The following KIAA1217 variants were observed in gnomAD, a reference collection of about 807,000 sequenced individuals.
The protein encoded by KIAA1217 is KIAA1217, also known as sickle tail protein homolog.
In KIAA1217, 88 loss-of-function variants were observed where a neutral mutation model predicts 163.9. The observed-to-expected ratio is 0.54, with a 90% CI of 0.45 to 0.64. The LOEUF is 0.64. KIAA1217 is among the 30% of genes least tolerant of loss of function. The pLI is 0.00. For missense variants in KIAA1217, 2,372 were observed against 2,475.0 expected (o/e 0.96, Z 0.88); for synonymous variants, 903 against 923.1 (o/e 0.98, Z 0.39).
At position 24,290,369 on chromosome 10, in the gene KIAA1217, T is replaced by C. The variant is rs373442337; in HGVS notation, c.354+70460T>C. Among the ~76,000 whole-genome samples, 19 of 152,274 alleles carry C rather than the reference T, an allele frequency of 1.2e-4. 1 individual carries two copies. The highest frequency in any genetic ancestry group is 9.8e-4 in the Admixed American group (15 of 15,280). On this transcript the variant is annotated intron_variant, in intron 2 of 20. Coordinates refer to ENST00000376454, the MANE Select transcript of KIAA1217 (RefSeq NM_019590.5). ...AAAACATGATTTTAATCACAATTTC[T>C]CTCAGTGGATTTTAGGGTTTTGGAA...
At chr10:23,915,208 A>G (rs1842587766) in intron 1 of KIAA1217, among the ~76,000 whole-genome samples, 1 of 152,180 alleles carries the variant, frequency 6.6e-6, no homozygotes, top group Admixed American at 6.5e-5. Flanking sequence ...TCAATGCTAC[A>G]AAGAGGTCAT....
At chr10:23,972,521 C>A (rs1845357928) in intron 1 of KIAA1217, among the ~76,000 whole-genome samples, 1 of 151,632 alleles carries the variant, frequency 6.6e-6, no homozygotes, top group African/African-American at 2.4e-5. Context: ...AGCAGAAAAC[C>A]AAACACTATG....
At chr10:23,763,631 A>G (rs1445586454) in intron 1 of KIAA1217, among the ~76,000 whole-genome samples, 1 of 152,220 alleles carries the variant, frequency 6.6e-6, no homozygotes, top group Non-Finnish European at 1.5e-5. Flanking sequence ...TGTAAAACCC[A>G]GAACCATAAA....
intron 2 of KIAA1217, among the ~76,000 whole-genome samples, chr10:24,112,002 T>C (rs1276630330): frequency 1.3e-5 from 2 of 152,164 alleles, no homozygotes; most frequent in Non-Finnish European, 2.9e-5. Flanking sequence ...GGTCTCACTA[T>C]GTTGCCCGGG....
chr10:24,238,609 G>GCA (rs138705664), intron 2 of KIAA1217, among the ~76,000 whole-genome samples: 64 of 151,316 alleles, frequency 4.2e-4, no homozygotes, highest in African/African-American at 9.4e-4. Context: ...GAGGGGAAAT[G>GCA]CACACACACA....
At chr10:23,774,032 T>C (rs1051257359) in intron 1 of KIAA1217, among the ~76,000 whole-genome samples, 1 of 152,212 alleles carries the variant, frequency 6.6e-6, no homozygotes, top group Non-Finnish European at 1.5e-5. Flanking sequence ...ATCCCTGTCT[T>C]GTGCCAGTTT....
chr10:23,895,705 C>T (rs1445879798), intron 1 of KIAA1217, among the ~76,000 whole-genome samples: 5 of 152,018 alleles, frequency 3.3e-5, no homozygotes, highest in South Asian at 4.2e-4. Context: ...ATGTTTATTG[C>T]GGCACTGTTC....
intron 1 of KIAA1217, among the ~76,000 whole-genome samples, chr10:23,954,335 TG>T (rs1472406844): frequency 1.3e-5 from 2 of 152,038 alleles, no homozygotes; most frequent in African/African-American, 4.8e-5. Context: ...GAAGCCAAGC[TG>T]GGTGGATCTC....
chr10:24,325,410 G>A (rs1386017250), intron 2 of KIAA1217, among the ~76,000 whole-genome samples: 4 of 151,182 alleles, frequency 2.6e-5, no homozygotes, highest in Non-Finnish European at 4.4e-5. Flanking sequence ...AGAAGGGTGT[G>A]TATGGCCCCT....
At chr10:23,894,213 GATGAC>G (rs1841567851) in intron 1 of KIAA1217, among the ~76,000 whole-genome samples, 1 of 149,918 alleles carries the variant, frequency 6.7e-6, no homozygotes, top group African/African-American at 2.4e-5. Flanking sequence ...CCTGTTTGCA[GATGAC>G]ATGATTGTAT....
rs530250325 is a variant in KIAA1217 at position 24,147,663 on chromosome 10, C to T, written c.-170-71963C>T. 1.1e-4 allele frequency among the ~76,000 whole-genome samples: 16 copies of T among 151,416 alleles called. 1 individual carries two copies. Among genetic ancestry groups the T allele is most frequent in the African/African-American group, 3.4e-4 (14 of 41,336 alleles). ...TTTGAGACCAGCCTGGCCAACATGA[C>T]GAAATCCAGTCTCCATTAAATTAGC... On this transcript the variant is annotated intron_variant, in intron 2 of 18. Transcript: ENST00000376462.
intron 2 of KIAA1217, among the ~76,000 whole-genome samples, chr10:24,337,637 TTTCTTTTCTTTTC>T (rs1326803727): frequency 0.01 from 560 of 55,716 alleles, 23 homozygotes; most frequent in African/African-American, 0.051. Context: ...TTTCTTTTCT[TTTCTTTTCTTTTC>T]TTTTTTTTTT....
At position 23,750,928 on chromosome 10, in the gene KIAA1217, A is replaced by G. The variant is rs565887197; in HGVS notation, c.-321+55694A>G. Among the ~76,000 whole-genome samples, 7 of 152,010 alleles carry G rather than the reference A, an allele frequency of 4.6e-5. 1 individual carries two copies. In the East Asian group the frequency reaches 1.2e-3, roughly 25 times the overall value. ...TTCTACTCATGATGTGCTGACCTTA[A>G]GATAATTCCTTTCCCTTCCCTTCCC... On this transcript the variant is annotated intron_variant, in intron 1 of 18. Transcript: ENST00000376462.
At chr10:24,181,285 A>G (rs2066158799) in intron 2 of KIAA1217, among the ~76,000 whole-genome samples, 1 of 152,188 alleles carries the variant, frequency 6.6e-6, no homozygotes, top group Non-Finnish European at 1.5e-5. Flanking sequence ...TTCCCAGAGG[A>G]TATGGAGTTG....
chr10:23,904,780 C>T (rs748910530), intron 1 of KIAA1217, among the ~76,000 whole-genome samples: 2 of 152,060 alleles, frequency 1.3e-5, no homozygotes, highest in African/African-American at 2.4e-5. Context: ...GCAGCAATGA[C>T]ACCACATCTA....
intron 1 of KIAA1217, among the ~76,000 whole-genome samples, chr10:23,840,943 A>G (rs1325714006): frequency 6.6e-6 from 1 of 152,186 alleles, no homozygotes; most frequent in African/African-American, 2.4e-5. Flanking sequence ...GACTACCCAA[A>G]TTCAAATTTC....
intron 1 of KIAA1217, among the ~76,000 whole-genome samples, chr10:23,939,339 G>A (rs1424652962): frequency 1.3e-5 from 2 of 152,058 alleles, no homozygotes; most frequent in African/African-American, 2.4e-5. Flanking sequence ...ATACGGGGAG[G>A]CATGCATGTG....
chr10:24,059,699 T>C (rs1001726395), intron 2 of KIAA1217, among the ~76,000 whole-genome samples: 1 of 151,992 alleles, frequency 6.6e-6, no homozygotes, highest in African/African-American at 2.4e-5. Context: ...TGCCTCAGCC[T>C]CCCAAGTAAC....
intron 1 of KIAA1217, among the ~76,000 whole-genome samples, chr10:23,724,430 CTATT>C (rs1458013663): frequency 1.3e-5 from 2 of 151,926 alleles, no homozygotes; most frequent in Non-Finnish European, 2.9e-5. Context: ...ATTTTAAATT[CTATT>C]TAATTAACAA....
Sources: allele counts gnomAD v4.1 joint callset (sites outside exome capture counted in the v4.1 genomes callset), GRCh38; gene constraint gnomAD v4.1.1; transcripts MANE v1.5; gene names NCBI Gene and HGNC (gene_info 2026-07-23, HGNC 2026-07-21).